Variants in CNTN5 observed in about 807,000 individuals in gnomAD.
The protein encoded by CNTN5 is contactin-5.
In CNTN5, 77 loss-of-function variants were observed where a neutral mutation model predicts 129.1. The observed-to-expected ratio is 0.60, with a 90% CI of 0.50 to 0.72. The LOEUF (loss-of-function observed/expected upper bound fraction) is 0.72, where lower values mean the gene tolerates loss of function less well. CNTN5 is among the 30% of genes least tolerant of loss of function. The probability of loss-of-function intolerance (pLI) is 0.00; values close to 1 mark genes in which losing one functional copy is unlikely to be tolerated. For synonymous variants in CNTN5, 509 were observed against 465.6 expected, an observed-to-expected ratio of 1.09 and a Z score of -1.20; for missense variants, 1,478 against 1,328.8, an observed-to-expected ratio of 1.11 and a Z score of -1.75.
chr11:99,098,203 T>TA (rs1396325027), intron 1 of CNTN5, among the ~76,000 whole-genome samples: 1 of 152,104 alleles, frequency 6.6e-6, no homozygotes, highest in East Asian at 1.9e-4. Context: ...TTTTTGGTCA[T>TA]AAAAAGATAT....
intron 9 of CNTN5, among the ~76,000 whole-genome samples, chr11:100,060,822 G>A (rs1474084799): frequency 6.6e-6 from 1 of 151,568 alleles, no homozygotes; most frequent in East Asian, 1.9e-4. Context: ...GTATTTTTTA[G>A]TAGAGATGGG....
At chr11:99,545,560 A>G (rs1362992158) in intron 2 of CNTN5, among the ~76,000 whole-genome samples, 1 of 152,200 alleles carries the variant, frequency 6.6e-6, no homozygotes, top group Non-Finnish European at 1.5e-5. Flanking sequence ...CTAAAATCTT[A>G]TTCATATCAC....
intron 2 of CNTN5, among the ~76,000 whole-genome samples, chr11:99,447,831 A>C (rs895514532): frequency 3.3e-5 from 5 of 152,172 alleles, no homozygotes; most frequent in Non-Finnish European, 7.3e-5. Flanking sequence ...AGGCTGAGGC[A>C]GGAGAATTGT....
intron 8 of CNTN5, among the ~76,000 whole-genome samples, chr11:99,976,210 C>G (rs1020972662): frequency 1.3e-5 from 2 of 152,216 alleles, no homozygotes; most frequent in Admixed American, 6.5e-5. Flanking sequence ...AGGCCTTTGG[C>G]AACTCTGTCC....
At chr11:100,300,266 A>G (rs919647619) in intron 20 of CNTN5, among the ~76,000 whole-genome samples, 1 of 151,514 alleles carries the variant, frequency 6.6e-6, no homozygotes, top group East Asian at 1.9e-4. Flanking sequence ...GGGTGAAAGT[A>G]TAATAATAGA....
chr11:100,127,463 T>C (rs936023301), intron 13 of CNTN5, among the ~76,000 whole-genome samples: 1 of 152,024 alleles, frequency 6.6e-6, no homozygotes, highest in African/African-American at 2.4e-5. Flanking sequence ...GGACAGTTAG[T>C]AATATAATTG....
At chr11:99,237,630 G>A (rs1182774152) in intron 1 of CNTN5, among the ~76,000 whole-genome samples, 1 of 151,956 alleles carries the variant, frequency 6.6e-6, no homozygotes, top group Non-Finnish European at 1.5e-5. Flanking sequence ...GCAGTGAGCT[G>A]AGATCGTGCC....
At position 99,748,606 on chromosome 11, in the gene CNTN5, C is replaced by T. The variant is rs996294143; in HGVS notation, c.56-70938C>T. 2.0e-5 allele frequency among the ~76,000 whole-genome samples: 3 copies of T among 152,122 alleles called. No individual in the cohort carries two copies. In the South Asian group the frequency reaches 6.2e-4, roughly 32 times the overall value. On this transcript the variant is annotated intron_variant, in intron 3 of 24. Transcript: ENST00000524871. ...GGGGACCCAATACTGTACCTTTTAGCCCAGTTCAAAAGGCCTGAGAACTTG... is the reference window on the plus strand; with the variant it reads ...GGGGACCCAATACTGTACCTTTTAGTCCAGTTCAAAAGGCCTGAGAACTTG...
At chr11:99,601,512 G>C (rs564969367) in intron 3 of CNTN5, among the ~76,000 whole-genome samples, 1 of 152,122 alleles carries the variant, frequency 6.6e-6, no homozygotes, top group Non-Finnish European at 1.5e-5. Flanking sequence ...TTGAGAGTAA[G>C]AAAATAATCT....
intron 4 of CNTN5, among the ~76,000 whole-genome samples, chr11:99,836,767 A>C (rs917525868): frequency 6.6e-6 from 1 of 152,140 alleles, no homozygotes; most frequent in Non-Finnish European, 1.5e-5. Context: ...CAACAGTGTA[A>C]AAGCATTCCT....
chr11:99,386,411 T>A (rs1940930208), intron 2 of CNTN5, among the ~76,000 whole-genome samples: 2 of 151,782 alleles, frequency 1.3e-5, no homozygotes, highest in Non-Finnish European at 1.5e-5. Flanking sequence ...AAACAAGGAG[T>A]GGATTATTCA....
intron 1 of CNTN5, among the ~76,000 whole-genome samples, chr11:99,115,866 T>G (rs536059894): frequency 6.6e-6 from 1 of 152,168 alleles, no homozygotes; most frequent in African/African-American, 2.4e-5. Flanking sequence ...AGCTAGCACT[T>G]TCAGAAAAAG....
At chr11:99,617,761 A>C (rs1041127626) in intron 3 of CNTN5, among the ~76,000 whole-genome samples, 4 of 152,194 alleles carry the variant, frequency 2.6e-5, no homozygotes, top group African/African-American at 9.6e-5. Flanking sequence ...ATAAATGTAT[A>C]AAATGAAACC....
At chr11:99,650,793 G>T (rs944876605) in intron 3 of CNTN5, among the ~76,000 whole-genome samples, 21 of 151,844 alleles carry the variant, frequency 1.4e-4, no homozygotes, top group African/African-American at 5.1e-4. Context: ...ATCTGAAATT[G>T]TACACATTTA....
chr11:99,170,770 A>G (rs1423220350), intron 1 of CNTN5, among the ~76,000 whole-genome samples: 1 of 152,232 alleles, frequency 6.6e-6, no homozygotes, highest in Admixed American at 6.5e-5. Context: ...TGCAGGCTCC[A>G]GGCAGCTGCC....
At chr11:99,239,351 T>C (rs919976637) in intron 1 of CNTN5, among the ~76,000 whole-genome samples, 9 of 152,246 alleles carry the variant, frequency 5.9e-5, no homozygotes, top group Non-Finnish European at 1.2e-4. Flanking sequence ...AATATGTGTA[T>C]GCAAGTATGT....
At chr11:99,661,050 T>C (rs1952575821) in intron 3 of CNTN5, among the ~76,000 whole-genome samples, 1 of 152,118 alleles carries the variant, frequency 6.6e-6, no homozygotes, top group Admixed American at 6.6e-5. Context: ...TCAGGATAGA[T>C]TGATGTTCAT....
intron 3 of CNTN5, among the ~76,000 whole-genome samples, chr11:99,720,682 G>T (rs983513729): frequency 1.3e-5 from 2 of 152,132 alleles, no homozygotes; most frequent in African/African-American, 4.8e-5. Flanking sequence ...TAAAGGAATC[G>T]AAATGGGAAG....
intron 1 of CNTN5, among the ~76,000 whole-genome samples, chr11:99,250,206 T>C (rs149851691): frequency 6.6e-6 from 1 of 152,124 alleles, no homozygotes. Flanking sequence ...ATATCTCCTG[T>C]GTTCCAAAAA....
Sources: gnomAD v4.1 joint callset for allele counts (sites outside exome capture counted in the v4.1 genomes callset) on GRCh38, gnomAD v4.1.1 for gene constraint, MANE v1.5 for transcripts, NCBI Gene and HGNC (gene_info 2026-07-23, HGNC 2026-07-21) for gene names.